The following TBCD variants were observed in gnomAD, a reference collection of about 807,000 sequenced individuals.
TBCD encodes tubulin-specific chaperone D.
A neutral mutation model predicts 169.3 loss-of-function variants in TBCD; 105 were observed. That is an observed-to-expected ratio of 0.62 (90% confidence interval 0.53 to 0.73). The LOEUF (loss-of-function observed/expected upper bound fraction) is 0.73. TBCD is among the 30% of genes least tolerant of loss of function. The probability of loss-of-function intolerance (pLI) is 0.00; values close to 1 mark genes in which losing one functional copy is unlikely to be tolerated. For missense variants in TBCD, 1,444 were observed against 1,600.1 expected (o/e 0.90, Z 1.66); for synonymous variants, 700 against 643.9 (o/e 1.09, Z -1.32).
At chr17:82,937,867 CGT>C in intron 35 of TBCD, 180 bp from the exon 36 acceptor site, 2 of 1,508,740 alleles carry the variant, frequency 1.3e-6, no homozygotes, top group Non-Finnish European at 1.8e-6. Context: ...GTGCGACACT[CGT>C]GTGTGTAGGC....
At chr17:82,879,887 CTT>C (rs916162623) in intron 14 of TBCD, among the ~76,000 whole-genome samples, 1 of 146,450 alleles carries the variant, frequency 6.8e-6, no homozygotes, top group Non-Finnish European at 1.5e-5. Context: ...GTGATCTTTC[CTT>C]TTTTTTTTTG....
At chr17:82,773,767 C>T (rs1208488452) in intron 6 of TBCD, among the ~76,000 whole-genome samples, 1 of 151,824 alleles carries the variant, frequency 6.6e-6, no homozygotes, top group Non-Finnish European at 1.5e-5. Context: ...CACTTTGTCT[C>T]CCAGGCTGGA....
At chr17:82,788,874 G>A (rs977973478) in intron 7 of TBCD, among the ~76,000 whole-genome samples, 6 of 152,202 alleles carry the variant, frequency 3.9e-5, no homozygotes, top group South Asian at 2.1e-4. Context: ...ACCTCTCACC[G>A]CAGAGGCTGG....
At position 82,831,383 on chromosome 17, in the gene TBCD, G is replaced by A. The variant is rs1376894026; in HGVS notation, c.1318+16449G>A. 4.3e-6 allele frequency: 7 copies of A among 1,614,056 alleles called. No individual in the cohort carries two copies. The highest frequency in any genetic ancestry group is 5.9e-6 in the Non-Finnish European group (7 of 1,180,040). ...TTTAACCTGGAAGGACTCGAGGCTGGATAGACCAGGGTGGCTTCTTCAAGC... is the reference window on the plus strand; with the variant it reads ...TTTAACCTGGAAGGACTCGAGGCTGAATAGACCAGGGTGGCTTCTTCAAGC... On this transcript the variant is annotated intron_variant, in intron 13 of 38. Coordinates refer to ENST00000355528, the MANE Select transcript of TBCD (RefSeq NM_005993.5). This position sits in a 1 kb window ranked among gnomAD's most constrained non-coding sequence, Gnocchi z 4.6.
chr17:82,858,203 T>A (rs935996271), intron 13 of TBCD, among the ~76,000 whole-genome samples: 3 of 152,186 alleles, frequency 2.0e-5, no homozygotes, highest in Admixed American at 6.5e-5. Flanking sequence ...CATGAGCCAC[T>A]GTGCCCAGCC....
chr17:82,814,440 C>G (rs142919964), intron 12 of TBCD, among the ~76,000 whole-genome samples: 2 of 152,248 alleles, frequency 1.3e-5, no homozygotes, highest in South Asian at 4.1e-4. Flanking sequence ...CTCGGGAGAT[C>G]TGAAGAGGCC....
intron 34 of TBCD, among the ~76,000 whole-genome samples, chr17:82,936,542 C>G (rs1342840713): frequency 6.6e-6 from 1 of 152,210 alleles, no homozygotes; most frequent in Non-Finnish European, 1.5e-5. Context: ...CACCTCAGAG[C>G]AAGCCGAGGT....
Position 82,939,459 on chromosome 17 carries a change from G to A in TBCD, c.3462G>A (p.Val1154=). 6.2e-7 allele frequency: 1 copy of A among 1,613,386 alleles called. No homozygotes were observed. Among genetic ancestry groups the A allele is most frequent in the Non-Finnish European group, 8.5e-7 (1 of 1,179,756 alleles). Residue 1154 remains valine, a synonymous_variant, in exon 37 of 39, where the codon GTG becomes GTA. Transcript: ENST00000355528. ...ATGTGCTGGACGAGGTGGTGACTGTGCTCAGTGACACTGCGTGGTGAGTGA... is the reference window on the plus strand; with the variant it reads ...ATGTGCTGGACGAGGTGGTGACTGTACTCAGTGACACTGCGTGGTGAGTGA... ...GADVLDEVVT[V]LSDTAWDAEL... is the part of the protein sequence containing the mutation.
At chr17:82,921,430 T>G in intron 24 of TBCD, 71 bp from the exon 25 acceptor site, 1 of 1,217,124 alleles carries the variant, frequency 8.2e-7, no homozygotes, top group Non-Finnish European at 1.2e-6. Context: ...TAATAGAAGC[T>G]GTTTTTGCTG....
rs547236607 is a variant in TBCD at position 82,942,673 on chromosome 17, A to G, written c.*210A>G. On this transcript the variant is annotated 3_prime_UTR_variant, in exon 39 of 39. Coordinates refer to ENST00000355528, the MANE Select transcript of TBCD (RefSeq NM_005993.5). ...ACGCCTCTGCCTTCACTTGAACACA[A>G]ATGTGCTTCCTATAAAATCATGTAC... is the stretch of plus-strand genomic sequence containing the variant. The G allele has an allele frequency of 4.3e-4, 269 of 624,212 alleles. No homozygotes were observed. The highest frequency in any genetic ancestry group is 1.7e-3 in the Admixed American group (60 of 34,842). 38.7% of individuals were successfully genotyped at this position (624,212 alleles called of 1,614,324 possible).
intron 13 of TBCD, among the ~76,000 whole-genome samples, chr17:82,851,300 A>G (rs1237922119): frequency 6.6e-6 from 1 of 152,272 alleles, no homozygotes; most frequent in East Asian, 1.9e-4. Flanking sequence ...ATAAAAATAA[A>G]CAGTCACAAA....
At chr17:82,888,637 C>T (rs1007370403) in intron 15 of TBCD, among the ~76,000 whole-genome samples, 4 of 152,228 alleles carry the variant, frequency 2.6e-5, no homozygotes, top group Admixed American at 6.5e-5. Flanking sequence ...GCCACCCGCA[C>T]GTCTGGTTTC....
At chr17:82,837,583 C>A (rs2054097117) in intron 13 of TBCD, among the ~76,000 whole-genome samples, 1 of 152,190 alleles carries the variant, frequency 6.6e-6, no homozygotes, top group African/African-American at 2.4e-5. Context: ...CATTCATTAT[C>A]TGCTTTCATT....
At chr17:82,797,961 A>ATTTTT (rs2050221389) in intron 8 of TBCD, among the ~76,000 whole-genome samples, 159 bp downstream of exon 8, 1 of 54,976 alleles carries the variant, frequency 1.8e-5, no homozygotes, top group Non-Finnish European at 3.9e-5. Flanking sequence ...TAGTAACTGA[A>ATTTTT]CTTTTTTTTT....
At chr17:82,865,081 T>A (rs1183662106) in intron 13 of TBCD, among the ~76,000 whole-genome samples, 1 of 152,190 alleles carries the variant, frequency 6.6e-6, no homozygotes, top group Admixed American at 6.5e-5. Context: ...TACAACGTCC[T>A]GTGGGAACTG....
intron 33 of TBCD, chr17:82,931,859 G>A (rs190592959): frequency 1.3e-5 from 2 of 152,420 alleles, no homozygotes; most frequent in African/African-American, 2.4e-5. Context: ...GCTTTGGAAA[G>A]CTGCTGGAGG....
At chr17:82,906,128 A>G (rs2060233327) in intron 20 of TBCD, 75 bp downstream of exon 20, 1 of 1,135,500 alleles carries the variant, frequency 8.8e-7, no homozygotes. Flanking sequence ...AGTGCTCTCC[A>G]GTTCGAGACT....
chr17:82,815,510 G>A (rs78219986), intron 13 of TBCD, among the ~76,000 whole-genome samples: 2,178 of 152,354 alleles, frequency 0.014, 50 homozygotes, highest in African/African-American at 0.05. Context: ...CAGTGGGGTG[G>A]GGACAGAGGG....
chr17:82,904,048 C>T (rs1251637808), intron 19 of TBCD, among the ~76,000 whole-genome samples: 7 of 86,322 alleles, frequency 8.1e-5, no homozygotes, highest in East Asian at 4.2e-4. Flanking sequence ...GTGGCTCGCA[C>T]CTGCCACACG....
Sources: allele counts gnomAD v4.1 joint callset (sites outside exome capture counted in the v4.1 genomes callset), GRCh38; gene constraint gnomAD v4.1.1; non-coding constraint Gnocchi (gnomAD v3.1); transcripts MANE v1.5; gene names NCBI Gene and HGNC (gene_info 2026-07-23, HGNC 2026-07-21).